Variants in ATG10 observed in about 807,000 individuals in gnomAD.
The protein encoded by ATG10 is ubiquitin-like-conjugating enzyme ATG10.
In ATG10, 30 loss-of-function variants were observed where a neutral mutation model predicts 32.1. The ratio of observed to expected loss-of-function variants is 0.94; its 90% CI spans 0.70 to 1.27. The LOEUF is 1.27. ATG10 is among the 50% of genes most tolerant of loss of function. ATG10 has a pLI of 0.00. For synonymous variants in ATG10, 87 were observed against 91.5 expected (o/e 0.95, Z 0.28); for missense variants, 233 against 262.3 (o/e 0.89, Z 0.77).
At chr5:82,069,647 G>C (rs1764057648) in intron 3 of ATG10, among the ~76,000 whole-genome samples, 1 of 152,010 alleles carries the variant, frequency 6.6e-6, no homozygotes, top group African/African-American at 2.4e-5. Flanking sequence ...TTCTGGGTTA[G>C]AACTATCTAG....
rs187794799 is a variant in ATG10, at chr5:82,162,923, G to A, written c.217-1476G>A. 2.9e-3 allele frequency among the ~76,000 whole-genome samples: 439 copies of A among 152,062 alleles called. 1 individual carries two copies. The highest frequency in any genetic ancestry group is 4.9e-3 in the Non-Finnish European group (335 of 67,950). On this transcript the variant is annotated intron_variant, in intron 3 of 7. Coordinates refer to ENST00000282185, the MANE Select transcript of ATG10 (RefSeq NM_031482.5). The stretch of plus-strand genomic sequence containing the variant: ...AAAAGTCTAAAAAAAATACACTCTG[G>A]CCTGTTAACGATGGTTACAAACCTG...
chr5:82,249,702 TCAAA>T, intron 5 of ATG10, among the ~76,000 whole-genome samples: 1 of 152,324 alleles, frequency 6.6e-6, no homozygotes, highest in South Asian at 2.1e-4. Context: ...GGACTTGATC[TCAAA>T]CAGTCTTAAC....
At chr5:82,000,855 C>T (rs141499727) in intron 2 of ATG10, among the ~76,000 whole-genome samples, 182 of 152,262 alleles carry the variant, frequency 1.2e-3, no homozygotes, top group African/African-American at 4.2e-3. Context: ...TGGGGTTTCA[C>T]CATGTTGGCT....
At chr5:82,211,195 AT>A (rs1426655906) in intron 5 of ATG10, among the ~76,000 whole-genome samples, 1 of 152,184 alleles carries the variant, frequency 6.6e-6, no homozygotes, top group Non-Finnish European at 1.5e-5. Context: ...CTAAAATCTT[AT>A]GTCCAAAGGG....
intron 5 of ATG10, among the ~76,000 whole-genome samples, chr5:82,224,710 A>G (rs1053897613): frequency 3.3e-5 from 5 of 152,310 alleles, no homozygotes; most frequent in Admixed American, 1.3e-4. Context: ...CTGGAGGAAT[A>G]CTGACAAAAT....
chr5:81,987,622 G>A lies in ATG10; in HGVS notation c.52G>A (p.Glu18Lys), dbSNP rs1037009539. 1 of 1,613,192 alleles carries A rather than the reference G, an allele frequency of 6.2e-7. No individual in the cohort carries two copies. Among genetic ancestry groups the A allele is most frequent in the Non-Finnish European group, 8.5e-7 (1 of 1,179,714 alleles). ...AAAAACATTCCAACGTTATTGTGCAGAATTCATTAAACATTCACAACAGAT... is the reference window on the plus strand; with the variant it reads ...AAAAACATTCCAACGTTATTGTGCAAAATTCATTAAACATTCACAACAGAT... The part of the protein sequence containing the change: ...GEKTFQRYCA[E>K]FIKHSQQIGD... The change falls in exon 2 of 8, where the codon GAA becomes AAA. Residue 18 changes from glutamate to lysine, a missense_variant. By Grantham distance (56) the Glu-to-Lys change is moderately conservative. Transcript: ENST00000282185.
chr5:82,124,017 T>C (rs1382527981), intron 3 of ATG10, among the ~76,000 whole-genome samples: 1 of 151,718 alleles, frequency 6.6e-6, no homozygotes, highest in African/African-American at 2.4e-5. Context: ...CAAAAGGAAA[T>C]GGTGGAGTTA....
intron 2 of ATG10, among the ~76,000 whole-genome samples, chr5:82,003,970 T>A (rs1231306868): frequency 6.6e-6 from 1 of 152,088 alleles, no homozygotes; most frequent in Non-Finnish European, 1.5e-5. Flanking sequence ...TGAAATCCCA[T>A]CTCTACTCAA....
intron 3 of ATG10, among the ~76,000 whole-genome samples, chr5:82,099,046 C>T (rs1765171410): frequency 6.6e-6 from 1 of 152,138 alleles, no homozygotes; most frequent in Admixed American, 6.6e-5. Flanking sequence ...TCTTTCTTTT[C>T]CTACCAAAAG....
intron 1 of ATG10, among the ~76,000 whole-genome samples, chr5:81,986,138 G>C (rs981166503): frequency 6.6e-6 from 1 of 152,126 alleles, no homozygotes; most frequent in Non-Finnish European, 1.5e-5. Flanking sequence ...TGGATCTCCT[G>C]ACCTCGTAAT....
At chr5:82,060,392 T>G (rs1763728590) in intron 3 of ATG10, among the ~76,000 whole-genome samples, 1 of 152,190 alleles carries the variant, frequency 6.6e-6, no homozygotes, top group African/African-American at 2.4e-5. Context: ...CAAATACTCA[T>G]AAAATATTTG....
At chr5:82,167,578 A>C (rs1449940313) in intron 4 of ATG10, among the ~76,000 whole-genome samples, 1 of 152,220 alleles carries the variant, frequency 6.6e-6, no homozygotes, top group African/African-American at 2.4e-5. Context: ...CCTAAGACCC[A>C]AACCATCTAT....
At chr5:82,227,659 A>AG (rs1746188752) in intron 5 of ATG10, among the ~76,000 whole-genome samples, 1 of 152,120 alleles carries the variant, frequency 6.6e-6, no homozygotes, top group South Asian at 2.1e-4. Flanking sequence ...TACAGACATG[A>AG]GCCACCACTC....
chr5:82,059,310 T>G (rs1763696035), intron 3 of ATG10, among the ~76,000 whole-genome samples: 3 of 152,066 alleles, frequency 2.0e-5, no homozygotes, highest in Admixed American at 1.3e-4. Flanking sequence ...AAAAAGGATT[T>G]AAAAATATCC....
chr5:82,048,954 T>C (rs1307060989), intron 2 of ATG10, among the ~76,000 whole-genome samples: 1 of 151,048 alleles, frequency 6.6e-6, no homozygotes, highest in Non-Finnish European at 1.5e-5. Context: ...TTGGTGGGAC[T>C]GTAAACTAGT....
intron 1 of ATG10, among the ~76,000 whole-genome samples, chr5:81,979,188 C>T (rs1049896123): frequency 6.6e-6 from 1 of 150,414 alleles, no homozygotes; most frequent in Non-Finnish European, 1.5e-5. Context: ...GCGTGAGCCA[C>T]GGTGCCTGGT....
chr5:82,034,310 T>C (rs1460793750), intron 2 of ATG10, among the ~76,000 whole-genome samples: 1 of 152,158 alleles, frequency 6.6e-6, no homozygotes, highest in Non-Finnish European at 1.5e-5. Flanking sequence ...CCTGGACCAC[T>C]CTTTTTCTCT....
chr5:82,172,222 C>T (rs1035866316), intron 4 of ATG10, among the ~76,000 whole-genome samples: 1 of 152,140 alleles, frequency 6.6e-6, no homozygotes, highest in African/African-American at 2.4e-5. Flanking sequence ...AACTAATATG[C>T]ATGTATAACT....
chr5:82,029,791 C>G (rs1321059310), intron 2 of ATG10, among the ~76,000 whole-genome samples: 3 of 152,134 alleles, frequency 2.0e-5, no homozygotes, highest in African/African-American at 7.2e-5. Flanking sequence ...TAAGTTAACT[C>G]TTGGAACCTA....
Sources: allele counts gnomAD v4.1 joint callset (sites outside exome capture counted in the v4.1 genomes callset), GRCh38; gene constraint gnomAD v4.1.1; transcripts MANE v1.5; gene names NCBI Gene and HGNC (gene_info 2026-07-23, HGNC 2026-07-21).